The following TMIGD3 variants were observed in gnomAD, a reference collection of about 807,000 sequenced individuals.
TMIGD3 encodes the protein transmembrane and immunoglobulin domain containing 3.
Under a neutral mutation model 28.1 loss-of-function variants are expected in TMIGD3, and 21 were observed. The ratio of observed to expected loss-of-function variants is 0.75; its 90% CI spans 0.53 to 1.08. The LOEUF (loss-of-function observed/expected upper bound fraction) is 1.08, where lower values mean the gene tolerates loss of function less well. Among genes scored for constraint, TMIGD3 ranks in the 50% least tolerant of loss-of-function variants. The pLI, the probability that TMIGD3 is intolerant of heterozygous loss-of-function variation, is 0.00. For missense variants in TMIGD3, 416 were observed against 435.6 expected (o/e 0.96, Z 0.40); for synonymous variants, 151 against 162.1 (o/e 0.93, Z 0.52).
At chr1:111,489,583 C>T (rs7544118) in intron 2 of TMIGD3, 215,674 of 1,087,122 alleles carry the variant, frequency 0.2, 23,970 homozygotes, top group African/African-American at 0.4. Context: ...TGGAGAAGTC[C>T]TTTTCCCTGG....
intron 1 of TMIGD3, among the ~76,000 whole-genome samples, chr1:111,524,421 T>C (rs186809405): frequency 1.3e-5 from 2 of 152,214 alleles, no homozygotes; most frequent in East Asian, 3.9e-4. Flanking sequence ...TTTACTGGAG[T>C]TGTGCCTTTT....
rs1654222510 is a variant in TMIGD3, at chr1:111,483,646, T to C, written c.*41A>G. The C allele has an allele frequency of 2.7e-6, 4 of 1,477,436 alleles. No homozygotes were observed. Among genetic ancestry groups the C allele is most frequent in the African/African-American group, 2.8e-5 (2 of 71,826 alleles). 91.5% of individuals were successfully genotyped at this position (1,477,436 alleles called of 1,614,324 possible). On this transcript the variant is annotated 3_prime_UTR_variant, in exon 6 of 6. Transcript: ENST00000369716. ...GCCAGTTGTCATGGTGATTATTCTG[T>C]TGTAGCATCACTTTATGAACTAAAT...
chr1:111,500,457 GTTC>G, intron 1 of TMIGD3: 3 of 1,614,208 alleles, frequency 1.9e-6, no homozygotes, highest in Non-Finnish European at 2.5e-6. Context: ...TCAGTTTCAT[GTTC>G]CAGCCAAACA....
intron 1 of TMIGD3, among the ~76,000 whole-genome samples, chr1:111,562,971 G>C (rs185219021): frequency 4.0e-4 from 61 of 152,284 alleles, no homozygotes; most frequent in African/African-American, 1.3e-3. Flanking sequence ...ACTTTAGATA[G>C]ATTATCTTTT....
At chr1:111,489,053 G>A (rs765514846) in intron 2 of TMIGD3, 29 bp from the exon 3 acceptor site, 43 of 1,530,562 alleles carry the variant, frequency 2.8e-5, no homozygotes, top group African/African-American at 5.5e-5. Context: ...ACACGCACAC[G>A]TGCACACACA....
chr1:111,537,615 CAGAGATTTCGTTTTTAA>C (rs1656683613), intron 1 of TMIGD3, among the ~76,000 whole-genome samples: 2 of 152,138 alleles, frequency 1.3e-5, no homozygotes, highest in Non-Finnish European at 2.9e-5. Flanking sequence ...GAAAGGACAC[CAGAGATTTCGTTTTTAA>C]AGAGGAGCTT....
intron 4 of TMIGD3, 110 bp from the exon 5 acceptor site, chr1:111,485,950 G>T: frequency 1.3e-6 from 1 of 787,804 alleles, no homozygotes; most frequent in Non-Finnish European, 2.1e-6. Flanking sequence ...CCCCAACCCA[G>T]TTACAGTAGC....
At chr1:111,487,165 G>A (rs1654419198) in intron 3 of TMIGD3, among the ~76,000 whole-genome samples, 1 of 152,220 alleles carries the variant, frequency 6.6e-6, no homozygotes, top group South Asian at 2.1e-4. Flanking sequence ...TAAGACGTGG[G>A]AGAGGTCTGT....
chr1:111,542,262 C>A (rs894248752), intron 1 of TMIGD3: 3 of 607,020 alleles, frequency 4.9e-6, no homozygotes, highest in Admixed American at 1.9e-5. Flanking sequence ...ATATTGAGGC[C>A]GTATTTCAGG....
At chr1:111,504,387 A>G (rs532838571), upstream of TMIGD3, among the ~76,000 whole-genome samples, 1 of 152,310 alleles carries the variant, frequency 6.6e-6, no homozygotes, top group East Asian at 1.9e-4. Context: ...ACATTCCCCA[A>G]GCCTCAGCCC....
intron 1 of TMIGD3, among the ~76,000 whole-genome samples, chr1:111,534,096 A>T (rs1656557557): frequency 6.6e-6 from 1 of 152,152 alleles, no homozygotes; most frequent in Non-Finnish European, 1.5e-5. Context: ...TATAGATATT[A>T]TTATATATTT....
intron 3 of TMIGD3, 71 bp from the exon 4 acceptor site, chr1:111,486,723 G>A (rs1012020136): frequency 4.7e-6 from 6 of 1,271,414 alleles, no homozygotes; most frequent in Non-Finnish European, 6.9e-6. Flanking sequence ...CCCAGCTGCA[G>A]CTCTGCCTGT....
chr1:111,523,615 A>G (rs1266845389), intron 1 of TMIGD3, among the ~76,000 whole-genome samples: 7 of 152,204 alleles, frequency 4.6e-5, no homozygotes, highest in Admixed American at 3.3e-4. Flanking sequence ...AAAATTTACC[A>G]GTAAAACTAT....
intron 1 of TMIGD3, among the ~76,000 whole-genome samples, chr1:111,522,384 A>C (rs1656097204): frequency 6.6e-6 from 1 of 152,220 alleles, no homozygotes; most frequent in Non-Finnish European, 1.5e-5. Flanking sequence ...ATAATCTTAC[A>C]ATCTACGAAC....
Position 111,483,491 on chromosome 1 carries a change from C to T in TMIGD3, c.*196G>A. On this transcript the variant is annotated 3_prime_UTR_variant, in exon 6 of 6. Coordinates refer to ENST00000369716, the MANE Select transcript of TMIGD3 (RefSeq NM_020683.7). Reference sequence around the variant, plus strand: ...ATCTTGAGATGTTATTTGAGGGCAGCCTTGCTTGGGTGTGGTCTATCATAG... The same window carrying T: ...ATCTTGAGATGTTATTTGAGGGCAGTCTTGCTTGGGTGTGGTCTATCATAG... 1 of 576,372 alleles carries T rather than the reference C, an allele frequency of 1.7e-6. No individual in the cohort carries two copies. The highest frequency in any genetic ancestry group is 3.1e-5 in the East Asian group (1 of 32,602). The allele number at this position is 576,372 out of a possible 1,614,324, so 35.7% of individuals were successfully genotyped here. A position where few individuals can be genotyped will look rare whatever the true frequency, so the allele number is the denominator to read the frequency against.
chr1:111,487,230 TA>T (rs2100955439), intron 3 of TMIGD3, among the ~76,000 whole-genome samples: 1 of 152,300 alleles, frequency 6.6e-6, no homozygotes, highest in Admixed American at 6.5e-5. Flanking sequence ...TGTCTGAGCC[TA>T]AGATTCAGGT....
In TMIGD3 at chr1:111,484,935, A is replaced by G. The variant is rs183583523; in HGVS notation, c.973+805T>C. On this transcript the variant is annotated intron_variant, in intron 5 of 5. Coordinates refer to ENST00000369716, the MANE Select transcript of TMIGD3 (RefSeq NM_020683.7). Reference sequence around the variant, plus strand: ...GTTCTTTCTGCTCTGTGTACACTTCAGAGGTTGGCATATTTGCCACATGCT... The same window carrying G: ...GTTCTTTCTGCTCTGTGTACACTTCGGAGGTTGGCATATTTGCCACATGCT... Among the ~76,000 whole-genome samples, 55 of 152,350 alleles carry G rather than the reference A, an allele frequency of 3.6e-4. No homozygotes were observed. In the East Asian group the frequency reaches 9.6e-3, roughly 27 times the overall value.
chr1:111,505,145 A>G (rs1451307091), upstream of TMIGD3: 2 of 550,808 alleles, frequency 3.6e-6, no homozygotes, highest in East Asian at 3.2e-4. Context: ...AAAAAAAAAA[A>G]AAAGAAGCCT....
chr1:111,556,667 T>C (rs1557848511), intron 1 of TMIGD3, among the ~76,000 whole-genome samples: 1 of 152,206 alleles, frequency 6.6e-6, no homozygotes, highest in Non-Finnish European at 1.5e-5. Flanking sequence ...ATGAATATTG[T>C]ATGATTCCAT....
Sources: gnomAD v4.1 joint callset for allele counts (sites outside exome capture counted in the v4.1 genomes callset) on GRCh38, gnomAD v4.1.1 for gene constraint, MANE v1.5 for transcripts, NCBI Gene and HGNC (gene_info 2026-07-23, HGNC 2026-07-21) for gene names.